The following CXADR variants were observed in gnomAD, a reference collection of about 807,000 sequenced individuals.
The protein encoded by CXADR is CXADR cell adhesion molecule.
A neutral mutation model predicts 40.3 loss-of-function variants in CXADR; 20 were observed. That is an observed-to-expected ratio of 0.50 (90% CI 0.35 to 0.72). CXADR has a LOEUF of 0.72. Ranked by LOEUF, CXADR falls within the 30% of genes least tolerant of loss-of-function variation. The pLI is 0.01. For synonymous variants in CXADR, 150 were observed against 161.3 expected (o/e 0.93, Z 0.53); for missense variants, 332 against 449.1 (o/e 0.74, Z 2.36).
intron 7 of CXADR, among the ~76,000 whole-genome samples, chr21:17,589,999 G>T (rs148466725): frequency 6.6e-6 from 1 of 152,120 alleles, no homozygotes; most frequent in East Asian, 1.9e-4. Context: ...ATTATACACA[G>T]AAATGATCCA....
chr21:17,534,257 C>T lies in CXADR; in HGVS notation c.44-12770C>T, dbSNP rs185857185. 4.9e-3 allele frequency among the ~76,000 whole-genome samples: 736 copies of T among 151,350 alleles called. 6 individuals carry two copies. The highest frequency in any genetic ancestry group is 0.017 in the African/African-American group (708 of 41,308). On this transcript the variant is annotated intron_variant, in intron 1 of 6. Coordinates refer to ENST00000284878, the MANE Select transcript of CXADR (RefSeq NM_001338.5). ...GACTACAGGTGCCTGCCACCACACC[C>T]GGCTAGTTTCTGTATTTTTAGTAGA...
the CXADR span, chr21:17,605,124 G>C: frequency 9.4e-7 from 1 of 1,068,166 alleles, no homozygotes; most frequent in Non-Finnish European, 1.3e-6. Flanking sequence ...AGAGAACCTA[G>C]GAGCATATCT....
intron 3 of CXADR, among the ~76,000 whole-genome samples, chr21:17,556,018 G>A (rs1014267179): frequency 3.3e-5 from 5 of 152,198 alleles, no homozygotes; most frequent in African/African-American, 9.6e-5. Flanking sequence ...ATGGAACAGA[G>A]CATTACTAAA....
At chr21:17,533,722 T>G (rs1709446826) in intron 1 of CXADR, among the ~76,000 whole-genome samples, 1 of 152,224 alleles carries the variant, frequency 6.6e-6, no homozygotes, top group Non-Finnish European at 1.5e-5. Context: ...AAGGTGATGG[T>G]TTCCCCATTT....
At chr21:17,531,318 A>G (rs1006322887) in intron 1 of CXADR, among the ~76,000 whole-genome samples, 5 of 150,464 alleles carry the variant, frequency 3.3e-5, no homozygotes, top group African/African-American at 1.2e-4. Flanking sequence ...AAAAGAAAAG[A>G]AAAAAGAAAG....
chr21:17,595,952 C>T (rs2061498660), downstream of CXADR, among the ~76,000 whole-genome samples: 1 of 151,948 alleles, frequency 6.6e-6, no homozygotes, highest in Non-Finnish European at 1.5e-5. Context: ...TGCTGTCAGG[C>T]TTTTAAATTG....
At chr21:17,521,855 C>G (rs1288070724) in intron 1 of CXADR, among the ~76,000 whole-genome samples, 1 of 152,156 alleles carries the variant, frequency 6.6e-6, no homozygotes, top group African/African-American at 2.4e-5. Context: ...CATGGTATTT[C>G]TCCTTAAGGC....
At chr21:17,529,098 G>T (rs2060637319) in intron 1 of CXADR, among the ~76,000 whole-genome samples, 1 of 149,282 alleles carries the variant, frequency 6.7e-6, no homozygotes, top group African/African-American at 2.5e-5. Flanking sequence ...GAGTGCAGTG[G>T]CGCGATCTAG....
chr21:17,561,549 A>G, intron 6 of CXADR, 73 bp downstream of exon 6: 1 of 1,301,864 alleles, frequency 7.7e-7, no homozygotes, highest in Non-Finnish European at 1.1e-6. Flanking sequence ...TCGTTCTCTT[A>G]TTAACCACCC....
chr21:17,576,584 G>A (rs2123367791), intron 7 of CXADR, among the ~76,000 whole-genome samples: 1 of 152,224 alleles, frequency 6.6e-6, no homozygotes, highest in South Asian at 2.1e-4. Flanking sequence ...TCCGGGGGTA[G>A]ATTTATGTCT....
intron 1 of CXADR, among the ~76,000 whole-genome samples, chr21:17,521,198 G>A (rs544682411): frequency 3.3e-5 from 5 of 152,310 alleles, no homozygotes; most frequent in Non-Finnish European, 7.4e-5. Context: ...GAGGATGAAG[G>A]TGTCCTAGAG....
chr21:17,532,373 A>C (rs545687089), intron 1 of CXADR, among the ~76,000 whole-genome samples: 1 of 152,264 alleles, frequency 6.6e-6, no homozygotes, highest in African/African-American at 2.4e-5. Context: ...CCATTTCAAA[A>C]AGAACCTTTC....
At chr21:17,551,457 A>G (rs2060967316) in intron 2 of CXADR, among the ~76,000 whole-genome samples, 1 of 152,164 alleles carries the variant, frequency 6.6e-6, no homozygotes, top group African/African-American at 2.4e-5. Context: ...GCCCAATCTT[A>G]CTAAATTGCT....
intron 1 of CXADR, chr21:17,542,927 C>T (rs141692613): frequency 4.1e-4 from 89 of 216,278 alleles, no homozygotes; most frequent in Middle Eastern, 2.5e-3. Context: ...CGTACTTCAG[C>T]ACTTGAAAAA....
intron 7 of CXADR, among the ~76,000 whole-genome samples, chr21:17,587,441 G>C (rs1446081213): frequency 6.6e-6 from 1 of 152,220 alleles, no homozygotes; most frequent in East Asian, 1.9e-4. Context: ...TCTAACTGGT[G>C]TGAGATGGTA....
At chr21:17,518,451 C>T (rs1450535880) in intron 1 of CXADR, 6 of 709,012 alleles carry the variant, frequency 8.5e-6, no homozygotes, top group Non-Finnish European at 1.5e-5. Flanking sequence ...GTGATGTTCT[C>T]TGTGTCTGTA....
chr21:17,618,296 GC>G, the CXADR span, among the ~76,000 whole-genome samples: 1 of 152,092 alleles, frequency 6.6e-6, no homozygotes, highest in Non-Finnish European at 1.5e-5. Context: ...TACCCCATCT[GC>G]AGTTACTTCC....
chr21:17,611,769 T>G, the CXADR span: 7 of 152,256 alleles, frequency 4.6e-5, no homozygotes, highest in Admixed American at 2.0e-4. Flanking sequence ...GCTCCTCTGC[T>G]CACGGCTGCG....
At chr21:17,561,241 C>CAA in intron 5 of CXADR, 97 bp from the exon 6 acceptor site, 1 of 613,646 alleles carries the variant, frequency 1.6e-6, no homozygotes, top group Non-Finnish European at 2.3e-6. Flanking sequence ...TTAAAGTTAA[C>CAA]ACGTGATGAA....
Sources: gnomAD v4.1 joint callset for allele counts (sites outside exome capture counted in the v4.1 genomes callset) on GRCh38, gnomAD v4.1.1 for gene constraint, MANE v1.5 for transcripts, NCBI Gene and HGNC (gene_info 2026-07-23, HGNC 2026-07-21) for gene names.